NCAPH: variants seen among roughly 807,000 people sequenced by gnomAD.
The protein encoded by NCAPH is non-SMC condensin I complex subunit H, also known as condensin complex subunit 2.
Under a neutral mutation model 85.5 loss-of-function variants are expected in NCAPH, and 38 were observed. The observed-to-expected ratio is 0.44, with a 90% CI of 0.34 to 0.58. The LOEUF (loss-of-function observed/expected upper bound fraction) is 0.58. Ranked by LOEUF, NCAPH falls within the 20% of genes least tolerant of loss-of-function variation. The pLI, the probability that NCAPH is intolerant of heterozygous loss-of-function variation, is 0.01. For missense variants in NCAPH, 789 were observed against 916.6 expected (o/e 0.86, Z 1.80); for synonymous variants, 301 against 335.1 (o/e 0.90, Z 1.11).
chr2:96,354,336 G>C lies in NCAPH; in HGVS notation c.1156G>C (p.Asp386His). Residue 386 changes from aspartate to histidine, a missense_variant, in exon 9 of 18, where the codon GAT becomes CAT. Asp to His is a moderately conservative substitution (Grantham distance 81). Coordinates refer to ENST00000240423, the MANE Select transcript of NCAPH (RefSeq NM_015341.5). ...TGAACCTGACCACACCGCAGTTGGG[G>C]ATCATGAAGAGTTCAGGAGCTGGAA... ...NDEPDHTAVG[D>H]HEEFRSWKEP... The C allele has an allele frequency of 6.2e-7, 1 of 1,613,506 alleles. No individual in the cohort carries two copies. Among genetic ancestry groups the C allele is most frequent in the Non-Finnish European group, 8.5e-7 (1 of 1,179,712 alleles).
At chr2:96,349,000 G>C (rs912040790) in intron 6 of NCAPH, among the ~76,000 whole-genome samples, 1 of 152,100 alleles carries the variant, frequency 6.6e-6, no homozygotes, top group Admixed American at 6.6e-5. Context: ...AAATCAATCG[G>C]ATTATTAAGT....
Position 96,369,389 on chromosome 2 carries a change from T to G in NCAPH, c.2091-36T>G, listed in dbSNP as rs371075180. On this transcript the variant is annotated intron_variant, in intron 16 of 17. Coordinates refer to ENST00000240423, the MANE Select transcript of NCAPH (RefSeq NM_015341.5). ...ATGAACGAGCTTTTGTTCTAACAGT[T>G]GGCAGTGACCTAAATACTTGCCCCT... 70 of 1,554,274 alleles carry G rather than the reference T, an allele frequency of 4.5e-5. No homozygotes were observed. In the African/African-American group the frequency reaches 8.3e-4, roughly 18 times the overall value.
In NCAPH at chr2:96,376,326, G is replaced by A. The variant is rs1196551008; in HGVS notation, c.*2975G>A. Among the ~76,000 whole-genome samples, 1 of 152,054 alleles carries A rather than the reference G, an allele frequency of 6.6e-6. No homozygotes were observed. Among genetic ancestry groups the A allele is most frequent in the African/African-American group, 2.4e-5 (1 of 41,434 alleles). ...GGGGCAATTTGCAATTTGCAAGAGA[G>A]GGCAATTTGCAAGAGAGAATTGTGG... On this transcript the variant is annotated 3_prime_UTR_variant, in exon 18 of 18. Coordinates refer to ENST00000240423, the MANE Select transcript of NCAPH (RefSeq NM_015341.5).
chr2:96,365,032 T>A (rs554719357), intron 13 of NCAPH, among the ~76,000 whole-genome samples: 22 of 152,078 alleles, frequency 1.4e-4, no homozygotes, highest in Non-Finnish European at 2.5e-4. Context: ...ATGACCAGAT[T>A]TCTAGCTGTG....
chr2:96,344,245 C>G lies in NCAPH; in HGVS notation c.720+16C>G, dbSNP rs897937411. 1 of 1,591,710 alleles carries G rather than the reference C, an allele frequency of 6.3e-7. No individual in the cohort carries two copies. The highest frequency in any genetic ancestry group is 8.5e-7 in the Non-Finnish European group (1 of 1,172,340). ...GAAGTGTGAGGTGAGGAACTGTATG[C>G]GCAGTGTGGTTTCTGACTAATTCAG... is the stretch of plus-strand genomic sequence containing the variant. On this transcript the variant is annotated intron_variant, in intron 6 of 17. Coordinates refer to ENST00000240423, the MANE Select transcript of NCAPH (RefSeq NM_015341.5).
At chr2:96,343,705 GTT>G (rs780306814) in intron 5 of NCAPH, among the ~76,000 whole-genome samples, 1 of 137,478 alleles carries the variant, frequency 7.3e-6, no homozygotes. Context: ...TTGGAGTTTT[GTT>G]TTTTTTTTTT....
In NCAPH at chr2:96,343,181, C is replaced by G; in HGVS notation, c.472C>G (p.Leu158Val). 2 of 1,614,102 alleles carry G rather than the reference C, an allele frequency of 1.2e-6. No homozygotes were observed. Among genetic ancestry groups the G allele is most frequent in the Non-Finnish European group, 1.7e-6 (2 of 1,180,020 alleles). Residue 158 changes from leucine (L) to valine (V), a missense_variant, in exon 5 of 18, where the codon CTG becomes GTG. Coordinates refer to ENST00000240423, the MANE Select transcript of NCAPH (RefSeq NM_015341.5). Reference sequence around the variant, plus strand: ...GTTTGACTAGGTGGCTGCGGGTACTCTGGATGCCAGCACCAAGATCTATGC... The same window carrying G: ...GTTTGACTAGGTGGCTGCGGGTACTGTGGATGCCAGCACCAAGATCTATGC... ...PTNFKVAAGT[L>V]DASTKIYAVR...
chr2:96,369,070 G>A lies in NCAPH; in HGVS notation c.2090+7G>A. ...CGAAGGACCTGCAGAGGAGGTGCGG[G>A]CTGGCAGGCATGGGGGCTTTGTTGG... On this transcript the variant is annotated splice_region_variant and intron_variant, in intron 16 of 17. Transcript: ENST00000240423. The A allele has an allele frequency of 6.4e-7, 1 of 1,553,414 alleles. No homozygotes were observed. The highest frequency in any genetic ancestry group is 8.7e-7 in the Non-Finnish European group (1 of 1,147,884).
rs921471128 is a variant in NCAPH, at chr2:96,367,145, G to A, written c.1882-112G>A. On this transcript the variant is annotated intron_variant, in intron 14 of 17. Coordinates refer to ENST00000240423, the MANE Select transcript of NCAPH (RefSeq NM_015341.5). The stretch of plus-strand genomic sequence containing the variant: ...AACAAGAGAGCTCTGTAGCTCCTTG[G>A]TTGAAACTGGATTCCTTCTTTAGTT... 15 of 699,748 alleles carry A rather than the reference G, an allele frequency of 2.1e-5. No homozygotes were observed. The African/African-American group carries it at 2.7e-4, about 13-fold the overall frequency. The allele number at this position is 699,748 out of a possible 1,614,324, so 43.3% of individuals were successfully genotyped here. A position where few individuals can be genotyped will look rare whatever the true frequency, so the allele number is the denominator to read the frequency against.
intron 16 of NCAPH, 41 bp downstream of exon 16, chr2:96,369,104 T>C: frequency 6.5e-7 from 1 of 1,535,298 alleles, no homozygotes; most frequent in Non-Finnish European, 8.8e-7. Flanking sequence ...GGGGCTCACC[T>C]CTCTGAGCTG....
At chr2:96,342,254 C>A in intron 3 of NCAPH, 114 bp downstream of exon 3, 1 of 1,003,382 alleles carries the variant, frequency 1.0e-6, no homozygotes, top group Non-Finnish European at 1.5e-6. Flanking sequence ...TCTGGTGAGT[C>A]ATCTTAGTGC....
chr2:96,352,778 A>C (rs1156928998), intron 7 of NCAPH, among the ~76,000 whole-genome samples: 1 of 152,116 alleles, frequency 6.6e-6, no homozygotes, highest in Non-Finnish European at 1.5e-5. Flanking sequence ...GTTAGCTCCC[A>C]TTCTTGTCAT....
intron 9 of NCAPH, among the ~76,000 whole-genome samples, chr2:96,354,591 C>T (rs546191170): frequency 3.3e-4 from 50 of 152,156 alleles, no homozygotes; most frequent in Non-Finnish European, 6.6e-4. Context: ...TCCCAAGGTG[C>T]CAGGATTTCA....
intron 1 of NCAPH, among the ~76,000 whole-genome samples, chr2:96,339,142 C>A (rs1173437052): frequency 2.0e-5 from 3 of 152,192 alleles, no homozygotes; most frequent in African/African-American, 7.2e-5. Context: ...GGTTTGTGGT[C>A]ATTTGTGACA....
rs199947249 is a variant in NCAPH, at chr2:96,359,085, A to G, written c.1249A>G (p.Met417Val). 7 of 1,614,202 alleles carry G rather than the reference A, an allele frequency of 4.3e-6. No individual in the cohort carries two copies. In the African/African-American group the frequency reaches 6.7e-5, roughly 15 times the overall value. The change falls in exon 10 of 18, where the codon ATG (methionine) becomes GTG (valine). Residue 417 changes from methionine (M) to valine (V), a missense_variant. Coordinates refer to ENST00000240423, the MANE Select transcript of NCAPH (RefSeq NM_015341.5). Reference sequence around the variant, plus strand: ...CCTTGGGGATGGAGACATCAGGACCATGTGCCCCCTTCTGTCTATGAAACC... The same window carrying G: ...CCTTGGGGATGGAGACATCAGGACCGTGTGCCCCCTTCTGTCTATGAAACC... ...ISLGDGDIRT[M>V]CPLLSMKPGE...
chr2:96,365,871 C>G lies in NCAPH; in HGVS notation c.1699-5C>G. 1 of 1,614,110 alleles carries G rather than the reference C, an allele frequency of 6.2e-7. No individual in the cohort carries two copies. On this transcript the variant is annotated splice_polypyrimidine_tract_variant and splice_region_variant and intron_variant, in intron 13 of 17. Transcript: ENST00000240423. ...ACCAAACTCGAAGAGCTGTTTCTTG[C>G]CCAGGCTGCTGACAGTGATGATGAA...
chr2:96,335,872 C>A lies in NCAPH; in HGVS notation c.19+24C>A, dbSNP rs1260768744. 7 of 1,460,842 alleles carry A rather than the reference C, an allele frequency of 4.8e-6. No individual in the cohort carries two copies. In the East Asian group the frequency reaches 1.8e-4, roughly 37 times the overall value. 90.5% of individuals were successfully genotyped at this position (1,460,842 alleles called of 1,614,324 possible). ...AGGTGAGCCGGGCGGTCGGGAGGCG[C>A]GGCGGGAAGGGCCCCTAGCGAAGCA... On this transcript the variant is annotated intron_variant, in intron 1 of 17. Coordinates refer to ENST00000240423, the MANE Select transcript of NCAPH (RefSeq NM_015341.5).
intron 9 of NCAPH, among the ~76,000 whole-genome samples, chr2:96,355,506 ATAATGTCTTT>A (rs929609736): frequency 6.6e-6 from 1 of 152,136 alleles, no homozygotes; most frequent in Non-Finnish European, 1.5e-5. Flanking sequence ...GATTAGGCTG[ATAATGTCTTT>A]TAAAGACATT....
In NCAPH at chr2:96,352,541, G is replaced by A. The variant is rs555385575; in HGVS notation, c.910+521G>A. Among the ~76,000 whole-genome samples the A allele has an allele frequency of 3.9e-5, 6 of 152,224 alleles. No homozygotes were observed. The East Asian group carries it at 9.6e-4, about 24-fold the overall frequency. ...AGATTTTAGCATCCCTCCCATATAC[G>A]CCTCCACGCCTGAGTTGGGGGTTCT... is the stretch of plus-strand genomic sequence containing the variant. On this transcript the variant is annotated intron_variant, in intron 7 of 17. Transcript: ENST00000240423.
Sources: allele counts gnomAD v4.1 joint callset (sites outside exome capture counted in the v4.1 genomes callset), GRCh38; gene constraint gnomAD v4.1.1; transcripts MANE v1.5; gene names NCBI Gene and HGNC (gene_info 2026-07-23, HGNC 2026-07-21).